HHIP: variants seen among roughly 807,000 people sequenced by gnomAD.
The protein encoded by HHIP is hedgehog-interacting protein.
A neutral mutation model predicts 74.0 loss-of-function variants in HHIP; 12 were observed. The ratio of observed to expected loss-of-function variants is 0.16; its 90% CI spans 0.10 to 0.26. The LOEUF (loss-of-function observed/expected upper bound fraction) is 0.26. Among genes scored for constraint, HHIP ranks in the 10% least tolerant of loss-of-function variants. The pLI is 1.00. For missense variants in HHIP, 788 were observed against 845.0 expected (o/e 0.93, Z 0.84); for synonymous variants, 309 against 311.6 (o/e 0.99, Z 0.09).
intron 4 of HHIP, among the ~76,000 whole-genome samples, chr4:144,700,545 G>A (rs1729945195): frequency 1.3e-5 from 2 of 152,204 alleles, no homozygotes; most frequent in Admixed American, 1.3e-4. Context: ...GGTGGGCTCA[G>A]TGTAATCACA....
chr4:144,718,974 C>G lies in HHIP; in HGVS notation c.1760+18C>G. ...CCCAAAAGGTGAGATTTCCTTTTATCCCATTAAGTCAAGTAATTTTCTTCT... is the reference window on the plus strand; with the variant it reads ...CCCAAAAGGTGAGATTTCCTTTTATGCCATTAAGTCAAGTAATTTTCTTCT... On this transcript the variant is annotated intron_variant, in intron 11 of 12. Coordinates refer to ENST00000296575, the MANE Select transcript of HHIP (RefSeq NM_022475.3). 1 of 1,425,998 alleles carries G rather than the reference C, an allele frequency of 7.0e-7. No individual in the cohort carries two copies. 88.3% of individuals were successfully genotyped at this position (1,425,998 alleles called of 1,614,324 possible).
chr4:144,709,337 T>C (rs1447845045), intron 7 of HHIP, among the ~76,000 whole-genome samples: 2 of 152,148 alleles, frequency 1.3e-5, no homozygotes, highest in Non-Finnish European at 2.9e-5. Flanking sequence ...ATTCCATTCC[T>C]AGAGCTCAGA....
chr4:144,660,003 G>C, intron 4 of HHIP, 165 bp downstream of exon 4: 1 of 592,786 alleles, frequency 1.7e-6, no homozygotes, highest in Non-Finnish European at 3.0e-6. Context: ...AATTAGGACA[G>C]TGACATTAAA....
At position 144,737,757 on chromosome 4, in the gene HHIP, C is replaced by T; in HGVS notation, c.1910-7C>T. The T allele has an allele frequency of 6.3e-7, 1 of 1,591,930 alleles. No homozygotes were observed. The highest frequency in any genetic ancestry group is 8.6e-7 in the Non-Finnish European group (1 of 1,167,308). ...AGTGTGATGTTCTTGCTCTTTTTCT[C>T]TCCCAGCAAAATGTGAGCCAGCATG... On this transcript the variant is annotated splice_region_variant and splice_polypyrimidine_tract_variant and intron_variant, in intron 12 of 12. Transcript: ENST00000296575.
intron 4 of HHIP, among the ~76,000 whole-genome samples, chr4:144,672,708 A>T (rs1729072100): frequency 6.6e-6 from 1 of 151,830 alleles, no homozygotes; most frequent in Non-Finnish European, 1.5e-5. Flanking sequence ...TTTTTATTTT[A>T]TTTATTTATT....
At position 144,737,948 on chromosome 4, in the gene HHIP, C is replaced by T. The variant is rs1278930406; in HGVS notation, c.2094C>T (p.Tyr698=). The T allele has an allele frequency of 1.9e-6, 3 of 1,600,852 alleles. No individual in the cohort carries two copies. Among genetic ancestry groups the T allele is most frequent in the Admixed American group, 3.4e-5 (2 of 59,212 alleles). ...MTSYLLDLTS[Y]IV is the part of the protein sequence containing the mutation. The stretch of plus-strand genomic sequence containing the variant: ...CTTACTTGCTGGATCTAACAAGTTA[C>T]ATTGTATAGTTTCTGGGACTGTTTG... The change falls in exon 13 of 13, where the codon TAC becomes TAT. Residue 698 remains tyrosine (Y), a synonymous_variant. Transcript: ENST00000296575.
At chr4:144,702,496 G>A (rs1426390541) in intron 4 of HHIP, among the ~76,000 whole-genome samples, 1 of 152,144 alleles carries the variant, frequency 6.6e-6, no homozygotes, top group Non-Finnish European at 1.5e-5. Flanking sequence ...TTAGTCTACA[G>A]GTTCCAAATT....
chr4:144,729,742 C>A (rs1730896921), intron 11 of HHIP, among the ~76,000 whole-genome samples: 1 of 152,132 alleles, frequency 6.6e-6, no homozygotes, highest in Admixed American at 6.6e-5. Flanking sequence ...ATGTTACCTT[C>A]CACCCTTAAA....
chr4:144,721,081 C>G (rs1464112942), intron 11 of HHIP, among the ~76,000 whole-genome samples: 1 of 152,018 alleles, frequency 6.6e-6, no homozygotes, highest in Non-Finnish European at 1.5e-5. Context: ...ACAAATTAAA[C>G]TTTTAGGTTA....
At chr4:144,659,926 A>C in intron 4 of HHIP, 88 bp downstream of exon 4, 1 of 971,604 alleles carries the variant, frequency 1.0e-6, no homozygotes, top group African/African-American at 1.7e-5. Flanking sequence ...ATTTCTTTGT[A>C]ATAAAAGAAA....
intron 4 of HHIP, among the ~76,000 whole-genome samples, chr4:144,675,536 A>G (rs747696029): frequency 2.0e-4 from 31 of 152,214 alleles, no homozygotes; most frequent in South Asian, 4.1e-4. Context: ...CATAAAATAC[A>G]AAGAGATTAT....
intron 2 of HHIP, among the ~76,000 whole-genome samples, chr4:144,658,370 T>G (rs948051447): frequency 1.2e-4 from 18 of 151,532 alleles, no homozygotes; most frequent in African/African-American, 4.1e-4. Context: ...TATTTATTTA[T>G]TTATTTATTT....
In HHIP at chr4:144,737,321, TTCTGTTGCACTGGAGTTGCTTGAGCC is replaced by T. The variant is rs1353448710; in HGVS notation, c.1910-437_1910-412del. ...CCAAAATCCAAAACTGACTGTTCCT[TTCTGTTGCACTGGAGTTGCTTGAGCC>T]TCTGTGTCTCCCCCTCAGGCTGGGC... is the stretch of plus-strand genomic sequence containing the variant. On this transcript the variant is annotated intron_variant, in intron 12 of 12. Coordinates refer to ENST00000296575, the MANE Select transcript of HHIP (RefSeq NM_022475.3). Among the ~76,000 whole-genome samples, 3 of 152,238 alleles carry T rather than the reference TTCTGTTGCACTGGAGTTGCTTGAGCC, an allele frequency of 2.0e-5. No homozygotes were observed. In the East Asian group the frequency reaches 5.8e-4, roughly 29 times the overall value.
intron 1 of HHIP, chr4:144,650,562 G>C (rs1451988458): frequency 6.6e-6 from 1 of 152,054 alleles, no homozygotes; most frequent in African/African-American, 2.4e-5. Context: ...CTAAAACACT[G>C]TTGCAGCTTT....
intron 4 of HHIP, among the ~76,000 whole-genome samples, chr4:144,683,710 A>G (rs1486564274): frequency 1.3e-5 from 2 of 152,156 alleles, no homozygotes; most frequent in Admixed American, 1.3e-4. Context: ...TGGGAACACA[A>G]CCACATCATT....
At chr4:144,666,930 G>A (rs1365260717) in intron 4 of HHIP, among the ~76,000 whole-genome samples, 1 of 152,182 alleles carries the variant, frequency 6.6e-6, no homozygotes, top group Non-Finnish European at 1.5e-5. Context: ...ACACATAAAT[G>A]TGAAGTGCTT....
chr4:144,674,306 T>A (rs1729119378), intron 4 of HHIP, among the ~76,000 whole-genome samples: 1 of 152,214 alleles, frequency 6.6e-6, no homozygotes, highest in African/African-American at 2.4e-5. Context: ...AGCAATTTTT[T>A]AAAATGTGCG....
chr4:144,721,871 C>A (rs1269294342), intron 11 of HHIP, among the ~76,000 whole-genome samples: 2 of 151,218 alleles, frequency 1.3e-5, no homozygotes, highest in African/African-American at 4.9e-5. Flanking sequence ...CCATTGCACT[C>A]CAGCCTGGGT....
At chr4:144,680,435 A>G (rs1256784715) in intron 4 of HHIP, among the ~76,000 whole-genome samples, 1 of 152,156 alleles carries the variant, frequency 6.6e-6, no homozygotes. Flanking sequence ...CCATGGTGCA[A>G]CCTAGCTAGA....
Sources: gnomAD v4.1 joint callset for allele counts (sites outside exome capture counted in the v4.1 genomes callset) on GRCh38, gnomAD v4.1.1 for gene constraint, MANE v1.5 for transcripts, NCBI Gene and HGNC (gene_info 2026-07-23, HGNC 2026-07-21) for gene names.